The following CAPN2 variants were observed in gnomAD, a reference collection of about 807,000 sequenced individuals.
CAPN2 encodes the protein calpain 2.
In CAPN2, 92 loss-of-function variants were observed where a neutral mutation model predicts 102.3. The observed-to-expected ratio is 0.90, with a 90% CI of 0.76 to 1.07. The LOEUF (loss-of-function observed/expected upper bound fraction) is 1.07, where lower values mean the gene tolerates loss of function less well. Ranked by LOEUF, CAPN2 falls within the 50% of genes least tolerant of loss-of-function variation. CAPN2 has a pLI of 0.00. For missense variants in CAPN2, 800 were observed against 909.4 expected (o/e 0.88, Z 1.55); for synonymous variants, 340 against 355.4 (o/e 0.96, Z 0.49).
At position 223,754,876 on chromosome 1, in the gene CAPN2, C is replaced by G. The variant is rs552642277; in HGVS notation, c.1136-604C>G. The stretch of plus-strand genomic sequence containing the variant: ...GTCCCCCAGGCCAGCCGAGCCCCGC[C>G]CCAGGCTCCCCATCAGAGCCCAGTG... On this transcript the variant is annotated intron_variant, in intron 9 of 20. Coordinates refer to ENST00000295006, the MANE Select transcript of CAPN2 (RefSeq NM_001748.5). The surrounding 1 kb of genome is among the most constrained non-coding windows in gnomAD (Gnocchi z 4.7). Among the ~76,000 whole-genome samples, 5 of 152,160 alleles carry G rather than the reference C, an allele frequency of 3.3e-5. No individual in the cohort carries two copies. The South Asian group carries it at 1.0e-3, about 32-fold the overall frequency.
chr1:223,706,701 T>C (rs1465816558), intron 1 of CAPN2, among the ~76,000 whole-genome samples: 1 of 151,896 alleles, frequency 6.6e-6, no homozygotes, highest in East Asian at 1.9e-4. Flanking sequence ...AGTGCACAAA[T>C]ATGTGTAAAG....
intron 9 of CAPN2, among the ~76,000 whole-genome samples, chr1:223,753,560 A>G (rs531204959): frequency 1.3e-5 from 2 of 152,350 alleles, no homozygotes; most frequent in East Asian, 1.9e-4. Context: ...ACATCTGCCA[A>G]TTATGGGGCA....
intron 6 of CAPN2, 68 bp downstream of exon 6, chr1:223,749,190 G>A: frequency 1.4e-6 from 2 of 1,409,660 alleles, no homozygotes; most frequent in Non-Finnish European, 1.0e-6. Context: ...ACAGTTTGTG[G>A]TGATGCCCAG....
rs1202755489 is a variant in CAPN2, at chr1:223,756,663, C to A, written c.1306-706C>A. Among the ~76,000 whole-genome samples, 1 of 152,192 alleles carries A rather than the reference C, an allele frequency of 6.6e-6. No individual in the cohort carries two copies. The highest frequency in any genetic ancestry group is 2.4e-5 in the African/African-American group (1 of 41,452). On this transcript the variant is annotated intron_variant, in intron 10 of 20. Transcript: ENST00000295006. The surrounding 1 kb of genome is among the most constrained non-coding windows in gnomAD (Gnocchi z 4.1). ...AACGTTGCCACCCATGGAACACTGA[C>A]TTCTACCTGCTCACCCACCTGAGAA...
chr1:223,753,875 G>T (rs28370086), intron 9 of CAPN2, among the ~76,000 whole-genome samples: 1,611 of 152,290 alleles, frequency 0.011, 22 homozygotes, highest in African/African-American at 0.037. Flanking sequence ...CCTAAGATAT[G>T]TTATGTATAT....
chr1:223,751,086 G>C, intron 7 of CAPN2, 111 bp downstream of exon 7: 1 of 979,644 alleles, frequency 1.0e-6, no homozygotes, highest in Non-Finnish European at 1.6e-6. Flanking sequence ...AATATAGCCA[G>C]GAGAGCCCAG....
At chr1:223,741,460 A>ATT (rs1358823873) in intron 2 of CAPN2, among the ~76,000 whole-genome samples, 3 of 145,876 alleles carry the variant, frequency 2.1e-5, no homozygotes, top group African/African-American at 7.7e-5. Flanking sequence ...ATATATATAT[A>ATT]TATATATATT....
At chr1:223,734,586 C>T (rs1450243091) in intron 2 of CAPN2, among the ~76,000 whole-genome samples, 2 of 152,148 alleles carry the variant, frequency 1.3e-5, no homozygotes, top group African/African-American at 2.4e-5. Context: ...CCCCTCCCTC[C>T]TCACTGACCC....
intron 11 of CAPN2, chr1:223,758,466 A>C (rs929385245): frequency 1.3e-5 from 2 of 152,156 alleles, no homozygotes; most frequent in African/African-American, 4.8e-5. Flanking sequence ...TCCTGCCCCC[A>C]GTCCTGTCTT....
chr1:223,740,610 T>C (rs755578747), intron 2 of CAPN2, among the ~76,000 whole-genome samples: 42 of 152,254 alleles, frequency 2.8e-4, no homozygotes, highest in Non-Finnish European at 5.1e-4. Flanking sequence ...TATGACCTAA[T>C]GCTTGCTTGG....
At chr1:223,765,913 C>T (rs1462929610) in intron 15 of CAPN2, among the ~76,000 whole-genome samples, 1 of 152,180 alleles carries the variant, frequency 6.6e-6, no homozygotes, top group Non-Finnish European at 1.5e-5. Context: ...GTGGATCGAT[C>T]CCAGTTCCTC....
At chr1:223,753,757 T>C (rs1230620795) in intron 9 of CAPN2, among the ~76,000 whole-genome samples, 1 of 152,202 alleles carries the variant, frequency 6.6e-6, no homozygotes, top group Non-Finnish European at 1.5e-5. Flanking sequence ...CAAAACTTTG[T>C]TTCATGCACA....
chr1:223,706,242 A>C (rs572331989), intron 1 of CAPN2, among the ~76,000 whole-genome samples: 5 of 152,276 alleles, frequency 3.3e-5, no homozygotes, highest in African/African-American at 1.2e-4. Flanking sequence ...AACACCAGGG[A>C]GAAGCCTTTC....
At chr1:223,751,281 A>G (rs1660890590) in intron 7 of CAPN2, among the ~76,000 whole-genome samples, 1 of 152,144 alleles carries the variant, frequency 6.6e-6, no homozygotes, top group African/African-American at 2.4e-5. Flanking sequence ...CTTTCAGGGA[A>G]AAAAATACAC....
intron 16 of CAPN2, among the ~76,000 whole-genome samples, chr1:223,767,064 G>A (rs959572820): frequency 5.9e-5 from 9 of 152,144 alleles, no homozygotes; most frequent in East Asian, 3.9e-4. Flanking sequence ...AAAGCAGCTC[G>A]AATTTGTTTC....
chr1:223,709,661 C>CAAAAAAAAAAAAAAAAAAA (rs779362608), upstream of CAPN2, among the ~76,000 whole-genome samples: 76 of 137,798 alleles, frequency 5.5e-4, no homozygotes, highest in African/African-American at 1.9e-3. Flanking sequence ...AACTCCATCT[C>CAAAAAAAAAAAAAAAAAAA]AAAAAAAAAA....
upstream of CAPN2, among the ~76,000 whole-genome samples, chr1:223,711,277 G>A (rs767451652): frequency 6.6e-6 from 1 of 152,136 alleles, no homozygotes; most frequent in Non-Finnish European, 1.5e-5. Context: ...TACTACTGTA[G>A]AGAAGAAGAG....
At chr1:223,728,117 A>C (rs1377915514) in intron 2 of CAPN2, among the ~76,000 whole-genome samples, 1 of 151,182 alleles carries the variant, frequency 6.6e-6, no homozygotes, top group African/African-American at 2.4e-5. Flanking sequence ...CTGTTTTGTC[A>C]CACCTGTATC....
Position 223,717,757 on chromosome 1 carries a change from C to T in CAPN2, c.238-5C>T. On this transcript the variant is annotated splice_region_variant and splice_polypyrimidine_tract_variant and intron_variant, in intron 1 of 20. Coordinates refer to ENST00000295006, the MANE Select transcript of CAPN2 (RefSeq NM_001748.5). ...CTAACAGCACTTTGTGGGTCTCGTT[C>T]CCAGGAGATCTGCGCTGACCCCCAG... is the stretch of plus-strand genomic sequence containing the variant. 1.2e-6 allele frequency: 2 copies of T among 1,613,622 alleles called. No individual in the cohort carries two copies. Among genetic ancestry groups the T allele is most frequent in the South Asian group, 2.2e-5 (2 of 91,058 alleles).
Sources: gnomAD v4.1 joint callset for allele counts (sites outside exome capture counted in the v4.1 genomes callset) on GRCh38, gnomAD v4.1.1 for gene constraint, Gnocchi (gnomAD v3.1) non-coding constraint, MANE v1.5 for transcripts, NCBI Gene and HGNC (gene_info 2026-07-23, HGNC 2026-07-21) for gene names.